MCUB: variants seen among roughly 807,000 people sequenced by gnomAD.
MCUB encodes the protein mitochondrial calcium uniporter dominant negative subunit beta, also known as calcium uniporter regulatory subunit MCUb, mitochondrial.
MCUB carries 46 observed loss-of-function variants against 41.4 expected under a neutral mutation model. The ratio of observed to expected loss-of-function variants is 1.11; its 90% CI spans 0.88 to 1.42. The LOEUF is 1.42. Among genes scored for constraint, MCUB ranks in the 40% most tolerant of loss-of-function variants. The pLI is 0.00. For synonymous variants in MCUB, 148 were observed against 148.2 expected (o/e 1.00, Z 0.01); for missense variants, 403 against 404.9 (o/e 1.00, Z 0.04).
At chr4:109,664,421 AC>A in intron 4 of MCUB, 27 bp downstream of exon 4, 2 of 745,442 alleles carry the variant, frequency 2.7e-6, no homozygotes, top group Non-Finnish European at 2.0e-6. Flanking sequence ...TCCAACTATT[AC>A]TTTTTTTTTT....
intron 1 of MCUB, among the ~76,000 whole-genome samples, chr4:109,657,767 A>G (rs1055461566): frequency 2.7e-4 from 41 of 152,250 alleles, no homozygotes; most frequent in African/African-American, 9.6e-4. Context: ...AATTGTGTAA[A>G]CACAAACACC....
chr4:109,683,430 G>A (rs942566748), intron 5 of MCUB, among the ~76,000 whole-genome samples: 4 of 151,952 alleles, frequency 2.6e-5, no homozygotes, highest in African/African-American at 4.8e-5. Flanking sequence ...TTTTTTTATC[G>A]TTTACCATTT....
rs567972526 is a variant in MCUB, at chr4:109,659,187, C to T, written c.175+101C>T. ...TTGAGCAGAATAGACTTTTCTTACA[C>T]TATCCCCATCCCACCCCACCCTGAT... On this transcript the variant is annotated intron_variant, in intron 2 of 7. Transcript: ENST00000394650. 1.1e-3 allele frequency: 780 copies of T among 730,640 alleles called. 7 individuals carry two copies. The highest frequency in any genetic ancestry group is 6.8e-3 in the South Asian group (427 of 63,082). The allele number at this position is 730,640 out of a possible 1,614,324, so 45.3% of individuals were successfully genotyped here. A position where few individuals can be genotyped will look rare whatever the true frequency, so the allele number is the denominator to read the frequency against.
intron 1 of MCUB, among the ~76,000 whole-genome samples, chr4:109,591,204 T>C (rs1043388280): frequency 3.9e-4 from 59 of 151,932 alleles, no homozygotes; most frequent in African/African-American, 1.4e-3. Context: ...TTTTTTTCCT[T>C]TGAGACAGTC....
chr4:109,664,379 C>T lies in MCUB; in HGVS notation c.436C>T (p.Gln146Ter). The T allele has an allele frequency of 7.0e-7, 1 of 1,424,900 alleles. No homozygotes were observed. The highest frequency in any genetic ancestry group is 9.9e-7 in the Non-Finnish European group (1 of 1,009,890). The allele number at this position is 1,424,900 out of a possible 1,614,324, so 88.3% of individuals were successfully genotyped here. Residue 146 changes from glutamine (Q) to a stop codon, truncating the protein, a stop_gained, in exon 4 of 8, where the codon CAG becomes TAG. Coordinates refer to ENST00000394650, the MANE Select transcript of MCUB (RefSeq NM_017918.5). LOFTEE classifies it high-confidence loss of function. ...CATTAATAAAATAGCATATGATGTG[C>T]AGTGTCCAAAGAGAGGTAAGAAACA... ...LVINKIAYDV[Q>*]CPKREKPSNE...
At chr4:109,593,564 C>T (rs1180754385) in intron 1 of MCUB, among the ~76,000 whole-genome samples, 1 of 152,122 alleles carries the variant, frequency 6.6e-6, no homozygotes, top group Non-Finnish European at 1.5e-5. Context: ...AGGTAAAGTG[C>T]CCAAAATATG....
chr4:109,627,454 G>A (rs1403176336), intron 1 of MCUB, among the ~76,000 whole-genome samples: 1 of 152,148 alleles, frequency 6.6e-6, no homozygotes, highest in East Asian at 1.9e-4. Flanking sequence ...TTTTTGCTGT[G>A]CTCCCATAGC....
chr4:109,653,181 C>T (rs1185432718), intron 1 of MCUB, among the ~76,000 whole-genome samples: 1 of 152,022 alleles, frequency 6.6e-6, no homozygotes, highest in African/African-American at 2.4e-5. Flanking sequence ...TCAAGACCAG[C>T]CTGACCAACC....
At chr4:109,677,611 A>G (rs992253299) in intron 4 of MCUB, among the ~76,000 whole-genome samples, 1 of 152,106 alleles carries the variant, frequency 6.6e-6, no homozygotes, top group African/African-American at 2.4e-5. Context: ...TGTCGTTATC[A>G]TGGGAGTGTG....
At chr4:109,667,716 T>G in intron 4 of MCUB, among the ~76,000 whole-genome samples, 1 of 151,080 alleles carries the variant, frequency 6.6e-6, no homozygotes, top group East Asian at 1.9e-4. Flanking sequence ...CATTTGCTCC[T>G]CTTTCTCTAG....
At chr4:109,656,973 G>C (rs560924360) in intron 1 of MCUB, among the ~76,000 whole-genome samples, 1 of 151,992 alleles carries the variant, frequency 6.6e-6, no homozygotes, top group African/African-American at 2.4e-5. Context: ...TAATCCCAGC[G>C]CTTCGGGAGG....
At chr4:109,593,880 T>A (rs1389329272) in intron 1 of MCUB, among the ~76,000 whole-genome samples, 1 of 152,250 alleles carries the variant, frequency 6.6e-6, no homozygotes, top group Non-Finnish European at 1.5e-5. Flanking sequence ...ATCATAGATA[T>A]GAAGTCAATG....
intron 1 of MCUB, 147 bp downstream of exon 1, chr4:109,560,583 C>T (rs1393905517): frequency 1.2e-5 from 5 of 423,816 alleles, no homozygotes; most frequent in Non-Finnish European, 2.0e-5. Flanking sequence ...GCGGTCCCGA[C>T]AGGTGGTGGC....
intron 1 of MCUB, among the ~76,000 whole-genome samples, chr4:109,579,903 C>T (rs1295753881): frequency 6.6e-6 from 1 of 152,130 alleles, no homozygotes. Context: ...TTTTATTATA[C>T]TTTAAGTTCT....
At chr4:109,561,908 C>T (rs1277476264) in intron 1 of MCUB, among the ~76,000 whole-genome samples, 1 of 152,056 alleles carries the variant, frequency 6.6e-6, no homozygotes, top group Non-Finnish European at 1.5e-5. Context: ...GCCACCGCAC[C>T]CGGCTAATTT....
intron 1 of MCUB, among the ~76,000 whole-genome samples, chr4:109,604,150 G>A (rs1416685285): frequency 6.6e-6 from 1 of 151,840 alleles, no homozygotes; most frequent in Non-Finnish European, 1.5e-5. Context: ...TAAGGGCGGT[G>A]CAAGATGTGC....
intron 4 of MCUB, among the ~76,000 whole-genome samples, chr4:109,679,593 G>A (rs1415547958): frequency 6.6e-6 from 1 of 152,212 alleles, no homozygotes. Flanking sequence ...GTACAGTCCA[G>A]CCTCGGCAAG....
At chr4:109,571,985 T>C (rs1726925956) in intron 1 of MCUB, among the ~76,000 whole-genome samples, 1 of 152,260 alleles carries the variant, frequency 6.6e-6, no homozygotes, top group Admixed American at 6.5e-5. Flanking sequence ...TAGCTACATC[T>C]GCCACAGTCC....
intron 1 of MCUB, among the ~76,000 whole-genome samples, chr4:109,649,855 T>C (rs1341077485): frequency 6.6e-6 from 1 of 152,158 alleles, no homozygotes; most frequent in Non-Finnish European, 1.5e-5. Flanking sequence ...ATTACACGCA[T>C]GAGCCACTGC....
Sources: gnomAD v4.1 joint callset for allele counts (sites outside exome capture counted in the v4.1 genomes callset) on GRCh38, gnomAD v4.1.1 for gene constraint, MANE v1.5 for transcripts, NCBI Gene and HGNC (gene_info 2026-07-23, HGNC 2026-07-21) for gene names.